CAMTA1: variants seen among roughly 807,000 people sequenced by gnomAD.
CAMTA1 encodes the protein calmodulin binding transcription activator 1, also known as calmodulin-binding transcription activator 1.
CAMTA1 carries 27 observed loss-of-function variants against 170.9 expected under a neutral mutation model. The observed-to-expected ratio is 0.16, with a 90% CI of 0.12 to 0.22. The LOEUF (loss-of-function observed/expected upper bound fraction) is 0.22, where lower values mean the gene tolerates loss of function less well. Ranked by LOEUF, CAMTA1 falls within the 10% of genes least tolerant of loss-of-function variation. The probability of loss-of-function intolerance (pLI) is 1.00; values close to 1 mark genes in which losing one functional copy is unlikely to be tolerated. For synonymous variants in CAMTA1, 833 were observed against 891.5 expected (o/e 0.93, Z 1.17); for missense variants, 1,619 against 2,217.2 (o/e 0.73, Z 5.42).
Position 7,732,086 on chromosome 1 carries a change from A to G in CAMTA1, c.2915-362A>G, listed in dbSNP as rs2149920733. On this transcript the variant is annotated intron_variant, in intron 11 of 22. Transcript: ENST00000303635. This position sits in a 1 kb window ranked among gnomAD's most constrained non-coding sequence, Gnocchi z 4.1. ...GCTTTCTTCTACTAGTTTAATTTAA[A>G]TTGTATTTATTTATTTTACTTGCTC... 6.6e-6 allele frequency among the ~76,000 whole-genome samples: 1 copy of G among 151,128 alleles called. No homozygotes were observed. The highest frequency in any genetic ancestry group is 2.4e-5 in the African/African-American group (1 of 41,096).
chr1:7,255,135 C>G (rs142829525), intron 5 of CAMTA1, among the ~76,000 whole-genome samples: 72 of 152,168 alleles, frequency 4.7e-4, no homozygotes, highest in African/African-American at 1.7e-3. Flanking sequence ...CTGGGCCTGT[C>G]AGGGAGTCGG....
intron 6 of CAMTA1, among the ~76,000 whole-genome samples, chr1:7,487,783 G>C (rs1304844434): frequency 1.3e-5 from 2 of 152,192 alleles, no homozygotes; most frequent in Non-Finnish European, 2.9e-5. Flanking sequence ...CCCCCCAGAG[G>C]AAGGGATCCC....
rs1476895285 is a variant in CAMTA1, at chr1:7,747,704, C to T, written c.4618-6C>T. On this transcript the variant is annotated splice_polypyrimidine_tract_variant and splice_region_variant and intron_variant, in intron 18 of 22. Transcript: ENST00000303635. Reference sequence around the variant, plus strand: ...TGATTTTTTTTCTCCTTACTTTACCCTTAAGGGCCGACCCTTGCGGGAACA... The same window carrying T: ...TGATTTTTTTTCTCCTTACTTTACCTTTAAGGGCCGACCCTTGCGGGAACA... 4.4e-6 allele frequency: 7 copies of T among 1,597,544 alleles called. No homozygotes were observed. The highest frequency in any genetic ancestry group is 3.3e-4 in the Middle Eastern group (2 of 6,026).
chr1:7,703,551 G>A (rs2096465788), intron 11 of CAMTA1, among the ~76,000 whole-genome samples: 2 of 152,130 alleles, frequency 1.3e-5, no homozygotes, highest in Admixed American at 6.5e-5. Flanking sequence ...AGGCTTAAGG[G>A]CTCTGCAAAT....
intron 5 of CAMTA1, among the ~76,000 whole-genome samples, chr1:7,398,210 T>G (rs1486180421): frequency 1.0e-5 from 1 of 96,776 alleles, no homozygotes; most frequent in Non-Finnish European, 2.1e-5. Context: ...TATATATATA[T>G]ATATATATAT....
At chr1:7,578,125 G>A (rs940153959) in intron 6 of CAMTA1, among the ~76,000 whole-genome samples, 3 of 152,282 alleles carry the variant, frequency 2.0e-5, no homozygotes, top group East Asian at 1.9e-4. Flanking sequence ...CCTGATTTCC[G>A]AGAGGACCTG....
rs944875213 is a variant in CAMTA1, at chr1:7,446,455, C to T, written c.439-21375C>T. ...TACTCTGTCTGGGGCTCTGGTCCCACGGGTACAGGGAATCCTGCTTACGAG... is the reference window on the plus strand; with the variant it reads ...TACTCTGTCTGGGGCTCTGGTCCCATGGGTACAGGGAATCCTGCTTACGAG... On this transcript the variant is annotated intron_variant, in intron 5 of 22. Transcript: ENST00000303635. 6.6e-5 allele frequency among the ~76,000 whole-genome samples: 10 copies of T among 152,130 alleles called. No individual in the cohort carries two copies. The South Asian group carries it at 8.3e-4, about 13-fold the overall frequency.
intron 4 of CAMTA1, among the ~76,000 whole-genome samples, chr1:7,188,037 A>C: frequency 6.6e-6 from 1 of 152,338 alleles, no homozygotes; most frequent in Non-Finnish European, 1.5e-5. Flanking sequence ...CTAAGGGGAA[A>C]CAGGCACCTT....
chr1:7,405,258 A>C (rs1049723446), intron 5 of CAMTA1, among the ~76,000 whole-genome samples: 8 of 152,286 alleles, frequency 5.3e-5, no homozygotes, highest in Admixed American at 4.6e-4. Context: ...CTAAAAGCGC[A>C]TCTTGAAGGC....
intron 4 of CAMTA1, among the ~76,000 whole-genome samples, chr1:7,222,324 C>T (rs1056053285): frequency 6.6e-6 from 1 of 152,152 alleles, no homozygotes; most frequent in Admixed American, 6.5e-5. Flanking sequence ...GCTGTGAGGA[C>T]CTGCGTCTTC....
At chr1:7,101,583 C>T (rs1454719721) in intron 4 of CAMTA1, among the ~76,000 whole-genome samples, 2 of 152,214 alleles carry the variant, frequency 1.3e-5, no homozygotes. Flanking sequence ...TCTGGTTCTC[C>T]AACTCTGCTG....
intron 11 of CAMTA1, among the ~76,000 whole-genome samples, chr1:7,688,101 T>C (rs2096274702): frequency 6.8e-6 from 1 of 147,698 alleles, no homozygotes; most frequent in African/African-American, 2.5e-5. Context: ...CTCTGCCTCC[T>C]GGGTTCAGGT....
intron 5 of CAMTA1, among the ~76,000 whole-genome samples, chr1:7,373,150 G>A (rs1201902887): frequency 6.6e-6 from 1 of 152,198 alleles, no homozygotes; most frequent in Non-Finnish European, 1.5e-5. Context: ...GGTCATTCTT[G>A]GTTGTGGGGG....
At chr1:7,718,268 A>ACAGTGGGTGTTCCGTAAACACAG (rs1473692245) in intron 11 of CAMTA1, among the ~76,000 whole-genome samples, 1 of 152,094 alleles carries the variant, frequency 6.6e-6, no homozygotes, top group African/African-American at 2.4e-5. Flanking sequence ...TTCCGTAAAC[A>ACAGTGGGTGTTCCGTAAACACAG]TTTGTGGAAT....
chr1:7,552,150 G>T (rs2094811735), intron 6 of CAMTA1, among the ~76,000 whole-genome samples: 2 of 151,734 alleles, frequency 1.3e-5, no homozygotes, highest in Non-Finnish European at 1.5e-5. Context: ...CAAGGCTGAT[G>T]GCCAGAGGGA....
At chr1:6,927,852 T>A (rs746230360) in intron 3 of CAMTA1, among the ~76,000 whole-genome samples, 25 of 152,232 alleles carry the variant, frequency 1.6e-4, no homozygotes, top group Non-Finnish European at 3.1e-4. Context: ...GAACCGTGTT[T>A]CTAGTGACTT....
chr1:7,730,941 T>G (rs1338288324), intron 11 of CAMTA1, among the ~76,000 whole-genome samples: 1 of 150,900 alleles, frequency 6.6e-6, no homozygotes, highest in Non-Finnish European at 1.5e-5. Context: ...TATATATATA[T>G]ATATATTTAA....
intron 6 of CAMTA1, among the ~76,000 whole-genome samples, chr1:7,601,143 G>T (rs752166279): frequency 6.8e-6 from 1 of 146,986 alleles, no homozygotes; most frequent in Non-Finnish European, 1.5e-5. Context: ...CGGACGGGGC[G>T]GCTGGCCGGG....
chr1:6,915,528 G>C (rs962769196), intron 3 of CAMTA1, among the ~76,000 whole-genome samples: 2 of 152,196 alleles, frequency 1.3e-5, no homozygotes, highest in African/African-American at 4.8e-5. Context: ...AAGGGTTTTA[G>C]TGGAGCCAAG....
Sources: gnomAD v4.1 joint callset for allele counts (sites outside exome capture counted in the v4.1 genomes callset) on GRCh38, gnomAD v4.1.1 for gene constraint, Gnocchi (gnomAD v3.1) non-coding constraint, MANE v1.5 for transcripts, NCBI Gene and HGNC (gene_info 2026-07-23, HGNC 2026-07-21) for gene names.